GTSE1: variants seen among roughly 807,000 people sequenced by gnomAD.
The protein encoded by GTSE1 is G2 and S phase-expressed protein 1.
A neutral mutation model predicts 60.5 loss-of-function variants in GTSE1; 52 were observed. That is an observed-to-expected ratio of 0.86 (90% confidence interval 0.69 to 1.08). The LOEUF is 1.08. Ranked by LOEUF, GTSE1 falls within the 50% of genes least tolerant of loss-of-function variation. The probability of loss-of-function intolerance (pLI) is 0.00; values close to 1 mark genes in which losing one functional copy is unlikely to be tolerated. For synonymous variants in GTSE1, 368 were observed against 386.5 expected (o/e 0.95, Z 0.56); for missense variants, 937 against 961.8 (o/e 0.97, Z 0.34).
Position 46,328,768 on chromosome 22 carries a change from C to T in GTSE1, c.1805C>T (p.Ser602Phe), listed in dbSNP as rs745878303. 3.3e-5 allele frequency: 54 copies of T among 1,613,430 alleles called. No homozygotes were observed. Among genetic ancestry groups the T allele is most frequent in the Admixed American group, 5.0e-5 (3 of 60,018 alleles). Residue 602 changes from serine (S) to phenylalanine (F), a missense_variant, in exon 10 of 12, where the codon TCC becomes TTC. Physicochemically the swap from Ser to Phe is radical, Grantham distance 155. Coordinates refer to ENST00000454366, the MANE Select transcript of GTSE1 (RefSeq NM_016426.7). ...DVSPDRGSPP[S>F]RVPQALNFSP... ...TCCCCTGACAGGGGTTCTCCTCCTT[C>T]CCGTGTGCCTCAGGCACTTAACTTT...
Position 46,297,473 on chromosome 22 carries a change from A to G in GTSE1, c.73A>G (p.Lys25Glu). 2.5e-6 allele frequency: 4 copies of G among 1,609,316 alleles called. No individual in the cohort carries two copies. The highest frequency in any genetic ancestry group is 2.6e-6 in the Non-Finnish European group (3 of 1,175,806). Reference protein sequence around the residue: ...AGDVNMDDPKKEDILLLADEK... With the variant: ...AGDVNMDDPKEEDILLLADEK... Reference sequence around the variant, plus strand: ...GGACGTGAACATGGATGACCCTAAGAAGGAAGGCAAGTCCTTGCTGCTGCG... The same window carrying G: ...GGACGTGAACATGGATGACCCTAAGGAGGAAGGCAAGTCCTTGCTGCTGCG... Residue 25 changes from lysine (K) to glutamate (E), a missense_variant, in exon 2 of 12, where the codon AAG (lysine) becomes GAG (glutamate). Lys to Glu is a moderately conservative substitution (Grantham distance 56). Coordinates refer to ENST00000454366, the MANE Select transcript of GTSE1 (RefSeq NM_016426.7). This position sits in a 1 kb window ranked among gnomAD's most constrained non-coding sequence, Gnocchi z 4.9.
chr22:46,313,936 A>T lies in GTSE1; in HGVS notation c.974A>T (p.Asn325Ile). 1 of 1,614,222 alleles carries T rather than the reference A, an allele frequency of 6.2e-7. No individual in the cohort carries two copies. ...TTAAAAGCACCCGGCTCTACCAGCA[A>T]TCTCGCAAGGAAGTCCTCCTCGGGG... ...TLLKAPGSTSNLARKSSSGPV... is the reference protein window; with the variant it reads ...TLLKAPGSTSILARKSSSGPV... Residue 325 changes from asparagine (N) to isoleucine (I), a missense_variant, in exon 6 of 12, where the codon AAT (asparagine) becomes ATT (isoleucine). Physicochemically the swap from Asn to Ile is moderately radical, Grantham distance 149. Coordinates refer to ENST00000454366, the MANE Select transcript of GTSE1 (RefSeq NM_016426.7). The surrounding 1 kb of genome is among the most constrained non-coding windows in gnomAD (Gnocchi z 4.4).
Position 46,312,285 on chromosome 22 carries a change from G to T in GTSE1, c.907G>T (p.Ala303Ser). 1 of 1,613,138 alleles carries T rather than the reference G, an allele frequency of 6.2e-7. No individual in the cohort carries two copies. The highest frequency in any genetic ancestry group is 8.5e-7 in the Non-Finnish European group (1 of 1,179,656). Reference sequence around the variant, plus strand: ...AAGCCACTTGGGCCAGGGCAAGCGGGCGATCCCTGTTCCAAACAAGGTGAG... The same window carrying T: ...AAGCCACTTGGGCCAGGGCAAGCGGTCGATCCCTGTTCCAAACAAGGTGAG... The part of the protein sequence containing the change: ...AGSHLGQGKR[A>S]IPVPNKLGLK... The change falls in exon 5 of 12, where the codon GCG becomes TCG. Residue 303 changes from alanine to serine, a missense_variant. Coordinates refer to ENST00000454366, the MANE Select transcript of GTSE1 (RefSeq NM_016426.7).
rs183463912 is a variant in GTSE1 at position 46,299,740 on chromosome 22, C to T, written c.79+2261C>T. On this transcript the variant is annotated intron_variant, in intron 2 of 11. Transcript: ENST00000454366. Reference sequence around the variant, plus strand: ...TTCGGATACACTTTCTACACAGTAACGTCACCTTTTAAAAACACAAGTTAG... The same window carrying T: ...TTCGGATACACTTTCTACACAGTAATGTCACCTTTTAAAAACACAAGTTAG... Among the ~76,000 whole-genome samples the T allele has an allele frequency of 2.5e-3, 385 of 152,260 alleles. 3 individuals carry two copies. In the Middle Eastern group the frequency reaches 0.034, roughly 13 times the overall value.
At position 46,304,889 on chromosome 22, in the gene GTSE1, G is replaced by A. The variant is rs962807083; in HGVS notation, c.80-3261G>A. Reference sequence around the variant, plus strand: ...AGCTACTCGGGAAGCCGAGACAGGAGGATCCCTCGAGTCCAGGAGTTCGAG... The same window carrying A: ...AGCTACTCGGGAAGCCGAGACAGGAAGATCCCTCGAGTCCAGGAGTTCGAG... On this transcript the variant is annotated intron_variant, in intron 2 of 11. Transcript: ENST00000454366. This position sits in a 1 kb window ranked among gnomAD's most constrained non-coding sequence, Gnocchi z 4.4. Among the ~76,000 whole-genome samples the A allele has an allele frequency of 6.6e-6, 1 of 152,096 alleles. No homozygotes were observed. The highest frequency in any genetic ancestry group is 1.5e-5 in the Non-Finnish European group (1 of 68,004).
At chr22:46,300,232 G>C (rs910214211) in intron 2 of GTSE1, among the ~76,000 whole-genome samples, 1 of 152,054 alleles carries the variant, frequency 6.6e-6, no homozygotes, top group Non-Finnish European at 1.5e-5. Context: ...TGAGTAGCTG[G>C]GATTAAAGGC....
At chr22:46,323,089 G>A (rs2077822757) in intron 7 of GTSE1, 101 bp from the exon 8 acceptor site, 2 of 817,242 alleles carry the variant, frequency 2.4e-6, no homozygotes, top group African/African-American at 3.4e-5. Flanking sequence ...AGTTGGGACA[G>A]TGGAGATACT....
At position 46,324,768 on chromosome 22, in the gene GTSE1, G is replaced by A. The variant is rs562746491; in HGVS notation, c.1505+1506G>A. ...AGAACTTCGCGGAGAGCAGCAGCTG[G>A]GGTTGACAGCAGTTGCTCTCTGGAG... On this transcript the variant is annotated intron_variant, in intron 8 of 11. Coordinates refer to ENST00000454366, the MANE Select transcript of GTSE1 (RefSeq NM_016426.7). The surrounding 1 kb of genome is among the most constrained non-coding windows in gnomAD (Gnocchi z 5.2). Among the ~76,000 whole-genome samples, 47 of 152,272 alleles carry A rather than the reference G, an allele frequency of 3.1e-4. No individual in the cohort carries two copies. The highest frequency in any genetic ancestry group is 1.1e-3 in the African/African-American group (45 of 41,570).
At chr22:46,300,414 G>A (rs1348895069) in intron 2 of GTSE1, among the ~76,000 whole-genome samples, 1 of 152,158 alleles carries the variant, frequency 6.6e-6, no homozygotes, top group East Asian at 1.9e-4. Context: ...TTTTCTTAAA[G>A]CCCGGTAATA....
intron 9 of GTSE1, among the ~76,000 whole-genome samples, chr22:46,327,794 CTG>C (rs2077852584): frequency 6.6e-6 from 1 of 152,180 alleles, no homozygotes; most frequent in Non-Finnish European, 1.5e-5. Context: ...GGTGTTGACA[CTG>C]TGTGTATCTA....
At chr22:46,323,667 G>T (rs933967508) in intron 8 of GTSE1, among the ~76,000 whole-genome samples, 2 of 152,130 alleles carry the variant, frequency 1.3e-5, no homozygotes, top group East Asian at 1.9e-4. Flanking sequence ...GAGCACTGGC[G>T]TGGCACCTTG....
At position 46,329,962 on chromosome 22, in the gene GTSE1, C is replaced by A; in HGVS notation, c.2137-85C>A. ...AGGATGAGCGAGTGGCTGTGATGAC[C>A]CACGCAGCCAGTCCTCTGTGCAGGG... On this transcript the variant is annotated intron_variant, in intron 11 of 11. Transcript: ENST00000454366. This position sits in a 1 kb window ranked among gnomAD's most constrained non-coding sequence, Gnocchi z 6.4. The A allele has an allele frequency of 1.2e-6, 1 of 834,432 alleles. No individual in the cohort carries two copies. The highest frequency in any genetic ancestry group is 2.1e-6 in the Non-Finnish European group (1 of 480,136). 51.7% of individuals were successfully genotyped at this position (834,432 alleles called of 1,614,324 possible). A position where few individuals can be genotyped will look rare whatever the true frequency, so the allele number is the denominator to read the frequency against.
chr22:46,312,513 A>T (rs2077754644), intron 5 of GTSE1, among the ~76,000 whole-genome samples: 1 of 151,908 alleles, frequency 6.6e-6, no homozygotes, highest in Non-Finnish European at 1.5e-5. Flanking sequence ...GTGGTGAGCA[A>T]CGGCAGTCCC....
intron 2 of GTSE1, among the ~76,000 whole-genome samples, chr22:46,306,084 G>T (rs913602128): frequency 6.6e-6 from 1 of 151,978 alleles, no homozygotes; most frequent in Non-Finnish European, 1.5e-5. Context: ...CCTTGATTAG[G>T]TAATTAAGAA....
chr22:46,307,235 A>G (rs2077720360), intron 2 of GTSE1, among the ~76,000 whole-genome samples: 1 of 152,252 alleles, frequency 6.6e-6, no homozygotes, highest in Non-Finnish European at 1.5e-5. Context: ...AATGGCGGTC[A>G]ACGAATTCTT....
intron 4 of GTSE1, 111 bp from the exon 5 acceptor site, chr22:46,312,030 T>C (rs1343305124): frequency 2.5e-6 from 2 of 803,738 alleles, no homozygotes; most frequent in African/African-American, 3.4e-5. Flanking sequence ...TGGAGGGGCA[T>C]GTGTAGCACT....
chr22:46,318,020 G>A lies in GTSE1; in HGVS notation c.1432+1608G>A, dbSNP rs6008662. Among the ~76,000 whole-genome samples the A allele has an allele frequency of 0.21, 32,454 of 152,184 alleles. 5,186 individuals carry two copies. Among genetic ancestry groups the A allele is most frequent in the African/African-American group, 0.45 (18,498 of 41,484 alleles). Reference sequence around the variant, plus strand: ...TTGGGTTCCTAGAGCTCGTTCTGTCGGAGTAGCCCCCTCCTCTCTAGTTTC... The same window carrying A: ...TTGGGTTCCTAGAGCTCGTTCTGTCAGAGTAGCCCCCTCCTCTCTAGTTTC... On this transcript the variant is annotated intron_variant, in intron 7 of 11. Coordinates refer to ENST00000454366, the MANE Select transcript of GTSE1 (RefSeq NM_016426.7). This position sits in a 1 kb window ranked among gnomAD's most constrained non-coding sequence, Gnocchi z 4.8.
Position 46,316,280 on chromosome 22 carries a change from A to G in GTSE1, c.1300A>G (p.Ser434Gly), listed in dbSNP as rs752219622. 6.2e-7 allele frequency: 1 copy of G among 1,613,940 alleles called. No individual in the cohort carries two copies. The highest frequency in any genetic ancestry group is 8.5e-7 in the Non-Finnish European group (1 of 1,179,992). Residue 434 changes from serine (S) to glycine (G), a missense_variant, in exon 7 of 12, where the codon AGT becomes GGT. Ser to Gly is a moderately conservative substitution (Grantham distance 56). Coordinates refer to ENST00000454366, the MANE Select transcript of GTSE1 (RefSeq NM_016426.7). The surrounding 1 kb of genome is among the most constrained non-coding windows in gnomAD (Gnocchi z 5.0). ...PEGGGQWLNS[S>G]CAWSESSQLN... The stretch of plus-strand genomic sequence containing the variant: ...AGGTGGCGGCCAGTGGCTGAACTCC[A>G]GTTGCGCTTGGTCAGAATCTTCTCA...
At position 46,313,893 on chromosome 22, in the gene GTSE1, G is replaced by C. The variant is rs1308841344; in HGVS notation, c.931G>C (p.Gly311Arg). ...GTTTTTTCACATTTTGCCCCAGTTGGGGCTGAAGAAGACCCTGTTAAAAGC... is the reference window on the plus strand; with the variant it reads ...GTTTTTTCACATTTTGCCCCAGTTGCGGCTGAAGAAGACCCTGTTAAAAGC... ...KRAIPVPNKL[G>R]LKKTLLKAPG... The change falls in exon 6 of 12, where the codon GGG becomes CGG. Residue 311 changes from glycine (G) to arginine (R), a missense_variant. Coordinates refer to ENST00000454366, the MANE Select transcript of GTSE1 (RefSeq NM_016426.7). The surrounding 1 kb of genome is among the most constrained non-coding windows in gnomAD (Gnocchi z 4.4). The C allele has an allele frequency of 6.2e-7, 1 of 1,614,128 alleles. No homozygotes were observed. The highest frequency in any genetic ancestry group is 1.7e-5 in the Admixed American group (1 of 60,026).
Sources: allele counts gnomAD v4.1 joint callset (sites outside exome capture counted in the v4.1 genomes callset), GRCh38; gene constraint gnomAD v4.1.1; non-coding constraint Gnocchi (gnomAD v3.1); transcripts MANE v1.5; gene names NCBI Gene and HGNC (gene_info 2026-07-23, HGNC 2026-07-21).